The following CDH13 variants were observed in gnomAD, a reference collection of about 807,000 sequenced individuals.
CDH13 encodes cadherin 13.
In CDH13, 24 loss-of-function variants were observed where a neutral mutation model predicts 63.8. That is an observed-to-expected ratio of 0.38 (90% confidence interval 0.27 to 0.53). The LOEUF is 0.53. Among genes scored for constraint, CDH13 ranks in the 20% least tolerant of loss-of-function variants. The pLI, the probability that CDH13 is intolerant of heterozygous loss-of-function variation, is 0.85. For missense variants in CDH13, 1,049 were observed against 903.1 expected, an observed-to-expected ratio of 1.16 and a Z score of -2.07; for synonymous variants, 503 against 355.3, an observed-to-expected ratio of 1.42 and a Z score of -4.67.
chr16:83,210,275 A>T (rs11863501), intron 4 of CDH13, among the ~76,000 whole-genome samples: 1 of 151,796 alleles, frequency 6.6e-6, no homozygotes, highest in Non-Finnish European at 1.5e-5. Context: ...ATGTTGGCCA[A>T]GCTGGTCTTG....
intron 1 of CDH13, among the ~76,000 whole-genome samples, chr16:82,634,967 C>A (rs547524425): frequency 6.6e-6 from 1 of 152,198 alleles, no homozygotes; most frequent in Non-Finnish European, 1.5e-5. Context: ...TGAGTCTCTG[C>A]TCTCCTGGGG....
chr16:83,083,859 T>A (rs1007419859), intron 3 of CDH13, among the ~76,000 whole-genome samples: 2 of 152,228 alleles, frequency 1.3e-5, no homozygotes, highest in African/African-American at 4.8e-5. Context: ...CCCATTTGCC[T>A]ATCCCAAGTT....
intron 6 of CDH13, among the ~76,000 whole-genome samples, chr16:83,368,823 C>G (rs2091302596): frequency 7.4e-6 from 1 of 134,542 alleles, no homozygotes; most frequent in Non-Finnish European, 1.6e-5. Flanking sequence ...GCAATTCCAT[C>G]CAAGTTTCTG....
At chr16:83,620,646 C>T (rs1909728544) in intron 8 of CDH13, among the ~76,000 whole-genome samples, 2 of 152,154 alleles carry the variant, frequency 1.3e-5, no homozygotes, top group Non-Finnish European at 2.9e-5. Context: ...CATGCTCTCT[C>T]TCACCTAATA....
In CDH13 at chr16:83,146,206, A is replaced by AG. The variant is rs1555603447; in HGVS notation, c.483+20705_483+20706insG. ...AAGACTCTGTCTCAAAAAAAAAAAA[A>AG]AAAAGAAAAGAAAAGGAAGGAGGGA... On this transcript the variant is annotated intron_variant, in intron 4 of 13. Transcript: ENST00000567109. 1.9e-3 allele frequency among the ~76,000 whole-genome samples: 287 copies of AG among 147,834 alleles called. 1 individual carries two copies. Among genetic ancestry groups the AG allele is most frequent in the Non-Finnish European group, 3.3e-3 (222 of 67,716 alleles).
chr16:82,697,680 G>A (rs533971022), intron 1 of CDH13, among the ~76,000 whole-genome samples: 4 of 151,500 alleles, frequency 2.6e-5, no homozygotes, highest in East Asian at 1.9e-4. Flanking sequence ...CACCTGCCTC[G>A]GCCTCCTAAA....
At chr16:82,803,675 A>G (rs1158209585) in intron 1 of CDH13, among the ~76,000 whole-genome samples, 3 of 152,220 alleles carry the variant, frequency 2.0e-5, no homozygotes, top group Non-Finnish European at 4.4e-5. Flanking sequence ...ATTTGTGACA[A>G]TATGGATGAA....
chr16:83,248,196 G>A (rs1292127263), intron 5 of CDH13, among the ~76,000 whole-genome samples: 1 of 152,072 alleles, frequency 6.6e-6, no homozygotes, highest in African/African-American at 2.4e-5. Context: ...CAAAGCACAG[G>A]GAGAGCATCA....
intron 1 of CDH13, among the ~76,000 whole-genome samples, chr16:82,828,443 C>T (rs1043865941): frequency 2.6e-5 from 4 of 152,060 alleles, no homozygotes; most frequent in African/African-American, 9.7e-5. Context: ...CATAGTGAAA[C>T]CCCAATTCAC....
chr16:83,117,330 C>T lies in CDH13; in HGVS notation c.367-8055C>T, dbSNP rs559084689. Among the ~76,000 whole-genome samples, 12 of 152,290 alleles carry T rather than the reference C, an allele frequency of 7.9e-5. No individual in the cohort carries two copies. The South Asian group carries it at 2.3e-3, about 29-fold the overall frequency. The stretch of plus-strand genomic sequence containing the variant: ...CTGCCACACTGAAGCTCCGCCATGC[C>T]CGGTAGGCTTCTGCTGCTGGCAGTG... On this transcript the variant is annotated intron_variant, in intron 3 of 13. Transcript: ENST00000567109.
chr16:82,891,895 T>C (rs540540451), intron 2 of CDH13, among the ~76,000 whole-genome samples: 1 of 152,286 alleles, frequency 6.6e-6, no homozygotes, highest in Non-Finnish European at 1.5e-5. Flanking sequence ...ATACTGCTGG[T>C]CACGTGTCCC....
chr16:83,042,333 G>C (rs1404805239), intron 3 of CDH13, among the ~76,000 whole-genome samples: 4 of 152,188 alleles, frequency 2.6e-5, no homozygotes, highest in Non-Finnish European at 5.9e-5. Flanking sequence ...AGCAGCATCA[G>C]ATTCTCATAG....
At chr16:83,449,670 T>C (rs1203623243) in intron 6 of CDH13, among the ~76,000 whole-genome samples, 1 of 152,202 alleles carries the variant, frequency 6.6e-6, no homozygotes, top group Non-Finnish European at 1.5e-5. Flanking sequence ...TGAATAATCA[T>C]GGTGAAGACA....
intron 1 of CDH13, among the ~76,000 whole-genome samples, chr16:82,778,000 G>A (rs1347087338): frequency 6.6e-6 from 1 of 152,192 alleles, no homozygotes; most frequent in Non-Finnish European, 1.5e-5. Context: ...TCATAGAAGA[G>A]ATGCCCTGAC....
At chr16:83,528,815 G>C (rs1175713382) in intron 7 of CDH13, among the ~76,000 whole-genome samples, 1 of 152,142 alleles carries the variant, frequency 6.6e-6, no homozygotes, top group Non-Finnish European at 1.5e-5. Flanking sequence ...TTGTAGTCAA[G>C]AGAGAGACTG....
intron 3 of CDH13, among the ~76,000 whole-genome samples, chr16:83,032,804 C>T (rs1597184845): frequency 6.6e-6 from 1 of 152,268 alleles, no homozygotes; most frequent in Middle Eastern, 3.4e-3. Context: ...CACCTGAAAA[C>T]TCATGGACTG....
chr16:82,639,341 T>C, intron 1 of CDH13: 4 of 1,516,996 alleles, frequency 2.6e-6, no homozygotes, highest in South Asian at 2.4e-5. Context: ...TTTGTCTCCA[T>C]GTCCTTGCTT....
At chr16:82,946,911 A>G (rs1166210950) in intron 2 of CDH13, among the ~76,000 whole-genome samples, 1 of 152,176 alleles carries the variant, frequency 6.6e-6, no homozygotes, top group African/African-American at 2.4e-5. Flanking sequence ...AAATGCATAT[A>G]TATTTATTAG....
intron 10 of CDH13, among the ~76,000 whole-genome samples, chr16:83,705,308 A>C (rs1465469297): frequency 1.3e-5 from 2 of 152,192 alleles, no homozygotes; most frequent in African/African-American, 4.8e-5. Context: ...AAGCTTTTTG[A>C]GAATTTTGAC....
Sources: gnomAD v4.1 joint callset for allele counts (sites outside exome capture counted in the v4.1 genomes callset) on GRCh38, gnomAD v4.1.1 for gene constraint, MANE v1.5 for transcripts, NCBI Gene and HGNC (gene_info 2026-07-23, HGNC 2026-07-21) for gene names.